The following TVP23A variants were observed in gnomAD, a reference collection of about 807,000 sequenced individuals.
TVP23A encodes trans-golgi network vesicle protein 23 homolog A, also known as Golgi apparatus membrane protein TVP23 homolog A.
TVP23A carries 21 observed loss-of-function variants against 31.7 expected under a neutral mutation model. The ratio of observed to expected loss-of-function variants is 0.66; its 90% CI spans 0.47 to 0.95. The LOEUF (loss-of-function observed/expected upper bound fraction) is 0.95. Among genes scored for constraint, TVP23A ranks in the 40% least tolerant of loss-of-function variants. TVP23A has a pLI of 0.00. For synonymous variants in TVP23A, 104 were observed against 96.0 expected (o/e 1.08, Z -0.49); for missense variants, 279 against 255.6 (o/e 1.09, Z -0.62).
rs113882232 is a variant in TVP23A at position 10,781,323 on chromosome 16, C to T, written c.90-6227G>A. Among the ~76,000 whole-genome samples, 1,004 of 139,714 alleles carry T rather than the reference C, an allele frequency of 7.2e-3. 11 individuals carry two copies. The highest frequency in any genetic ancestry group is 0.014 in the Middle Eastern group (4 of 278). 91.7% of individuals were successfully genotyped at this position (139,714 alleles called of 152,430 possible). On this transcript the variant is annotated intron_variant, in intron 2 of 7. Transcript: ENST00000299866. Reference sequence around the variant, plus strand: ...CAGCCTGGGTGACAGAGTGAGACTCCATCTCAAAAAAAAAAAAAGAAAAAA... The same window carrying T: ...CAGCCTGGGTGACAGAGTGAGACTCTATCTCAAAAAAAAAAAAAGAAAAAA...
At chr16:10,762,761 A>G (rs1189817385), downstream of TVP23A, among the ~76,000 whole-genome samples, 1 of 138,358 alleles carries the variant, frequency 7.2e-6, no homozygotes, top group Non-Finnish European at 1.6e-5. Flanking sequence ...GACAGGAGAG[A>G]GGGGCCGGGC....
At chr16:10,798,808 C>T (rs921809753) in intron 2 of TVP23A, among the ~76,000 whole-genome samples, 2 of 152,072 alleles carry the variant, frequency 1.3e-5, no homozygotes, top group Non-Finnish European at 2.9e-5. Flanking sequence ...AGATTACAGG[C>T]ACACACCACC....
At chr16:10,775,253 G>A (rs1659856542) in intron 2 of TVP23A, 157 bp from the exon 3 acceptor site, 1 of 1,442,218 alleles carries the variant, frequency 6.9e-7, no homozygotes, top group Non-Finnish European at 9.1e-7. Flanking sequence ...GTAGCCCTGG[G>A]GACACATCAT....
intron 2 of TVP23A, among the ~76,000 whole-genome samples, chr16:10,807,423 C>A (rs2033996751): frequency 6.6e-6 from 1 of 152,178 alleles, no homozygotes; most frequent in South Asian, 2.1e-4. Context: ...ACAAATTTCA[C>A]TTATCCAAAT....
chr16:10,789,088 A>C (rs1476367908), intron 2 of TVP23A, among the ~76,000 whole-genome samples: 3 of 152,152 alleles, frequency 2.0e-5, no homozygotes, highest in Non-Finnish European at 4.4e-5. Context: ...TCGGCCTCCC[A>C]AAGTGCTGGG....
intron 2 of TVP23A, among the ~76,000 whole-genome samples, chr16:10,798,905 G>A (rs2033551388): frequency 6.6e-6 from 1 of 152,152 alleles, no homozygotes; most frequent in African/African-American, 2.4e-5. Flanking sequence ...CTCATGATCT[G>A]CCTGCCTTGG....
intron 2 of TVP23A, among the ~76,000 whole-genome samples, chr16:10,781,047 A>G (rs2032390553): frequency 6.6e-6 from 1 of 152,124 alleles, no homozygotes; most frequent in Non-Finnish European, 1.5e-5. Context: ...TGTTTCAAGA[A>G]GAGGAGACTC....
intron 2 of TVP23A, among the ~76,000 whole-genome samples, chr16:10,776,959 C>T (rs1362736418): frequency 6.6e-6 from 1 of 152,142 alleles, no homozygotes; most frequent in Non-Finnish European, 1.5e-5. Flanking sequence ...GGCTTTTTTA[C>T]TGCAACCTGT....
chr16:10,798,004 G>T (rs1405626701), intron 2 of TVP23A, among the ~76,000 whole-genome samples: 1 of 136,092 alleles, frequency 7.3e-6, no homozygotes, highest in Admixed American at 8.1e-5. Context: ...CTCCCAGGCT[G>T]GAGTGCAGTG....
intron 2 of TVP23A, among the ~76,000 whole-genome samples, chr16:10,817,180 T>G (rs376379326): frequency 6.6e-6 from 1 of 152,362 alleles, no homozygotes; most frequent in Admixed American, 6.5e-5. Flanking sequence ...CCTCCAGAAC[T>G]GCAGGAGAAT....
chr16:10,786,436 A>G (rs2032756733), intron 2 of TVP23A, among the ~76,000 whole-genome samples: 1 of 134,228 alleles, frequency 7.5e-6, no homozygotes, highest in Non-Finnish European at 1.5e-5. Context: ...AGAACTTGTC[A>G]AAAAAAAAAA....
In TVP23A at chr16:10,768,111, C is replaced by A. The variant is rs1045218690; in HGVS notation, c.*991G>T. ...TAAAGGAGCCAGGGGTGTGGAAGGA[C>A]AGGTGGGTGGTGGGGTCTGTGATGA... On this transcript the variant is annotated 3_prime_UTR_variant, in exon 8 of 8. Coordinates refer to ENST00000299866, the MANE Select transcript of TVP23A (RefSeq NM_001079512.4). This position sits in a 1 kb window ranked among gnomAD's most constrained non-coding sequence, Gnocchi z 4.3. The A allele has an allele frequency of 7.2e-7, 1 of 1,385,920 alleles. No individual in the cohort carries two copies. The highest frequency in any genetic ancestry group is 1.4e-5 in the African/African-American group (1 of 70,346). 85.9% of individuals were successfully genotyped at this position (1,385,920 alleles called of 1,614,324 possible).
rs181263455 is a variant in TVP23A, at chr16:10,770,356, G to A, written c.583-25C>T. 1.5e-4 allele frequency: 228 copies of A among 1,550,170 alleles called. No homozygotes were observed. The African/African-American group carries it at 2.6e-3, about 18-fold the overall frequency. On this transcript the variant is annotated intron_variant, in intron 6 of 7. Coordinates refer to ENST00000299866, the MANE Select transcript of TVP23A (RefSeq NM_001079512.4). ...CCTGCAAGGGGAAAAGTCAACCATG[G>A]TTTTCTGTCCTTACACGCGAGTGGG... is the stretch of plus-strand genomic sequence containing the variant.
chr16:10,773,691 C>T (rs1025198577), intron 4 of TVP23A, among the ~76,000 whole-genome samples: 1 of 152,142 alleles, frequency 6.6e-6, no homozygotes, highest in Admixed American at 6.6e-5. Flanking sequence ...CTGCCTCAGC[C>T]TCCCGAGTAG....
rs533025231 is a variant in TVP23A, at chr16:10,779,694, A to C, written c.90-4598T>G. ...ATTTCTGTAGCCAGTTACAGGGAGAAGACCTAGAAAATATCGCCAGGCCAA... is the reference window on the plus strand; with the variant it reads ...ATTTCTGTAGCCAGTTACAGGGAGACGACCTAGAAAATATCGCCAGGCCAA... On this transcript the variant is annotated intron_variant, in intron 2 of 7. Transcript: ENST00000299866. This position sits in a 1 kb window ranked among gnomAD's most constrained non-coding sequence, Gnocchi z 4.9. 7.9e-5 allele frequency among the ~76,000 whole-genome samples: 12 copies of C among 152,406 alleles called. No homozygotes were observed. Among genetic ancestry groups the C allele is most frequent in the African/African-American group, 2.9e-4 (12 of 41,602 alleles).
intron 2 of TVP23A, among the ~76,000 whole-genome samples, chr16:10,780,954 G>T (rs1021925819): frequency 1.3e-5 from 2 of 152,018 alleles, no homozygotes; most frequent in African/African-American, 4.8e-5. Context: ...TCCCCCAGAT[G>T]AACCTTCATC....
At chr16:10,810,091 T>C (rs1390690315) in intron 2 of TVP23A, among the ~76,000 whole-genome samples, 2 of 151,968 alleles carry the variant, frequency 1.3e-5, no homozygotes, top group African/African-American at 4.8e-5. Context: ...TAAACCGGGA[T>C]GAACCTGGAA....
chr16:10,818,453 C>A lies in TVP23A; in HGVS notation c.9+32G>T, dbSNP rs1452879490. ...CCCGCAGGCTCCCCTCGTCCCGCCCCGCCTCCAGCCCCAGCATCCCCGAGG... is the reference window on the plus strand; with the variant it reads ...CCCGCAGGCTCCCCTCGTCCCGCCCAGCCTCCAGCCCCAGCATCCCCGAGG... On this transcript the variant is annotated intron_variant, in intron 1 of 7. Coordinates refer to ENST00000299866, the MANE Select transcript of TVP23A (RefSeq NM_001079512.4). The surrounding 1 kb of genome is among the most constrained non-coding windows in gnomAD (Gnocchi z 4.7). 2 of 1,601,132 alleles carry A rather than the reference C, an allele frequency of 1.2e-6. No individual in the cohort carries two copies. Among genetic ancestry groups the A allele is most frequent in the African/African-American group, 1.3e-5 (1 of 74,734 alleles).
chr16:10,765,658 AACCTCCATCTTCCC>A (rs1413775984), downstream of TVP23A, among the ~76,000 whole-genome samples: 1 of 152,178 alleles, frequency 6.6e-6, no homozygotes, highest in Non-Finnish European at 1.5e-5. The surrounding 1 kb of genome is among the most constrained non-coding windows in gnomAD (Gnocchi z 4.0). Context: ...AAGAGCCAGC[AACCTCCATCTTCCC>A]ACCTCCCTCA....
Sources: gnomAD v4.1 joint callset for allele counts (sites outside exome capture counted in the v4.1 genomes callset) on GRCh38, gnomAD v4.1.1 for gene constraint, Gnocchi (gnomAD v3.1) non-coding constraint, MANE v1.5 for transcripts, NCBI Gene and HGNC (gene_info 2026-07-23, HGNC 2026-07-21) for gene names.